CAB39L: variants seen among roughly 807,000 people sequenced by gnomAD.
CAB39L encodes calcium-binding protein 39-like.
In CAB39L, 23 loss-of-function variants were observed where a neutral mutation model predicts 39.1. The observed-to-expected ratio is 0.59, with a 90% CI of 0.42 to 0.83. The LOEUF (loss-of-function observed/expected upper bound fraction) is 0.83. CAB39L is among the 40% of genes least tolerant of loss of function. The pLI, the probability that CAB39L is intolerant of heterozygous loss-of-function variation, is 0.00. For synonymous variants in CAB39L, 126 were observed against 137.2 expected, an observed-to-expected ratio of 0.92 and a Z score of 0.57; for missense variants, 366 against 391.9, an observed-to-expected ratio of 0.93 and a Z score of 0.56.
At chr13:49,395,865 A>T in intron 3 of CAB39L, among the ~76,000 whole-genome samples, 1 of 152,122 alleles carries the variant, frequency 6.6e-6, no homozygotes, top group Non-Finnish European at 1.5e-5. Context: ...GACCTAGGGG[A>T]AGAGGGGAAT....
intron 10 of CAB39L, among the ~76,000 whole-genome samples, chr13:49,319,260 A>C (rs1488324614): frequency 1.3e-5 from 2 of 152,200 alleles, no homozygotes; most frequent in Admixed American, 6.5e-5. Context: ...TTAAAACAAA[A>C]TAAAAAAAGA....
chr13:49,366,954 G>C (rs1955791525), intron 5 of CAB39L, among the ~76,000 whole-genome samples: 1 of 151,808 alleles, frequency 6.6e-6, no homozygotes, highest in Non-Finnish European at 1.5e-5. Context: ...AATGAGCTGA[G>C]ATTGTGCCAC....
chr13:49,316,215 T>C (rs1474693788), intron 10 of CAB39L, among the ~76,000 whole-genome samples: 6 of 152,146 alleles, frequency 3.9e-5, no homozygotes, highest in Non-Finnish European at 8.8e-5. Flanking sequence ...AACAATTATA[T>C]ACTAAAAAAT....
intron 6 of CAB39L, among the ~76,000 whole-genome samples, chr13:49,354,628 T>C (rs1955441009): frequency 1.3e-5 from 2 of 152,224 alleles, no homozygotes; most frequent in South Asian, 4.1e-4. Flanking sequence ...TAAAGGTTAA[T>C]CTGATGAATG....
intron 9 of CAB39L, among the ~76,000 whole-genome samples, chr13:49,337,619 A>T (rs1056468839): frequency 2.6e-5 from 4 of 152,106 alleles, no homozygotes; most frequent in African/African-American, 9.7e-5. Flanking sequence ...CACACAACAC[A>T]CACATACACA....
intron 3 of CAB39L, among the ~76,000 whole-genome samples, chr13:49,393,814 A>C (rs1956542944): frequency 6.6e-6 from 1 of 151,990 alleles, no homozygotes; most frequent in Non-Finnish European, 1.5e-5. Context: ...TGGTATCTAA[A>C]TTTAGTCAAG....
intron 7 of CAB39L, among the ~76,000 whole-genome samples, chr13:49,348,441 G>A (rs768515649): frequency 6.6e-6 from 1 of 152,090 alleles, no homozygotes; most frequent in Non-Finnish European, 1.5e-5. Flanking sequence ...GGTGGTATGC[G>A]CCCGTGGTCC....
Position 49,336,256 on chromosome 13 carries a change from C to T in CAB39L, c.690+3421G>A, listed in dbSNP as rs575482370. On this transcript the variant is annotated intron_variant, in intron 9 of 10. Coordinates refer to ENST00000409308, the MANE Select transcript of CAB39L (RefSeq NM_001079670.3). ...AAAACCATTTTGGCAACATCTCTTC[C>T]TATAATCTAACATTAAAAAAAACCA... Among the ~76,000 whole-genome samples the T allele has an allele frequency of 5.3e-5, 8 of 152,098 alleles. No individual in the cohort carries two copies. The South Asian group carries it at 1.7e-3, about 32-fold the overall frequency.
chr13:49,443,406 A>G (rs1217558749), intron 1 of CAB39L, among the ~76,000 whole-genome samples: 1 of 152,162 alleles, frequency 6.6e-6, no homozygotes, highest in East Asian at 1.9e-4. Flanking sequence ...CAAACGCAGA[A>G]CTTGACGCCC....
At chr13:49,342,207 T>C (rs1955026927) in intron 8 of CAB39L, among the ~76,000 whole-genome samples, 1 of 152,168 alleles carries the variant, frequency 6.6e-6, no homozygotes, top group Admixed American at 6.5e-5. Flanking sequence ...CTATTATTAA[T>C]ATTTGTTTGC....
intron 7 of CAB39L, among the ~76,000 whole-genome samples, chr13:49,350,479 C>A (rs1188144152): frequency 1.3e-5 from 2 of 152,180 alleles, no homozygotes; most frequent in African/African-American, 4.8e-5. Flanking sequence ...CAGAGCACTA[C>A]ATATTCCTTT....
chr13:49,443,183 A>C (rs1284108549), intron 1 of CAB39L, among the ~76,000 whole-genome samples: 1 of 152,012 alleles, frequency 6.6e-6, no homozygotes, highest in Non-Finnish European at 1.5e-5. Flanking sequence ...TTCCCTAACA[A>C]AGCCTCCTCC....
At chr13:49,410,725 A>G (rs138573104) in intron 3 of CAB39L, among the ~76,000 whole-genome samples, 74 of 152,348 alleles carry the variant, frequency 4.9e-4, no homozygotes, top group African/African-American at 1.7e-3. Context: ...TCACATGACA[A>G]TTTTCAAAGT....
chr13:49,368,141 A>G (rs1955819692), intron 5 of CAB39L, among the ~76,000 whole-genome samples: 1 of 152,236 alleles, frequency 6.6e-6, no homozygotes. Context: ...CATGTTTTTC[A>G]TACTTCCCAG....
At chr13:49,371,517 G>A (rs888521806) in intron 5 of CAB39L, among the ~76,000 whole-genome samples, 1 of 152,172 alleles carries the variant, frequency 6.6e-6, no homozygotes, top group African/African-American at 2.4e-5. Flanking sequence ...AAGATTATTA[G>A]AGGATAAACA....
intron 5 of CAB39L, among the ~76,000 whole-genome samples, chr13:49,376,625 T>C (rs556214919): frequency 1.6e-4 from 24 of 152,352 alleles, no homozygotes; most frequent in East Asian, 7.7e-4. Flanking sequence ...AACATGGGGC[T>C]AATAATACAG....
intron 3 of CAB39L, among the ~76,000 whole-genome samples, chr13:49,427,549 C>T (rs573426389): frequency 6.6e-6 from 1 of 152,152 alleles, no homozygotes; most frequent in Non-Finnish European, 1.5e-5. Context: ...ATTAGCTGGG[C>T]GTGGTGGTGC....
At chr13:49,348,134 G>C (rs576745474) in intron 7 of CAB39L, among the ~76,000 whole-genome samples, 1 of 152,044 alleles carries the variant, frequency 6.6e-6, no homozygotes, top group Non-Finnish European at 1.5e-5. Context: ...CTTCAAACCC[G>C]GACGCTAGAG....
At chr13:49,430,573 A>G (rs1226667741) in intron 3 of CAB39L, among the ~76,000 whole-genome samples, 1 of 152,092 alleles carries the variant, frequency 6.6e-6, no homozygotes, top group Non-Finnish European at 1.5e-5. Context: ...TTTTTTCACC[A>G]ATCATTTTCA....
Sources: allele counts gnomAD v4.1 joint callset (sites outside exome capture counted in the v4.1 genomes callset), GRCh38; gene constraint gnomAD v4.1.1; transcripts MANE v1.5; gene names NCBI Gene and HGNC (gene_info 2026-07-23, HGNC 2026-07-21).